BICDL2: variants seen among roughly 807,000 people sequenced by gnomAD.
The protein encoded by BICDL2 is BICD family like cargo adaptor 2.
Under a neutral mutation model 56.6 loss-of-function variants are expected in BICDL2, and 62 were observed. That is an observed-to-expected ratio of 1.10 (90% CI 0.89 to 1.35). The LOEUF is 1.35. Ranked by LOEUF, BICDL2 falls within the 40% of genes most tolerant of loss-of-function variation. BICDL2 has a pLI of 0.00. For missense variants in BICDL2, 808 were observed against 684.5 expected (o/e 1.18, Z -2.01); for synonymous variants, 358 against 319.8 (o/e 1.12, Z -1.27).
intron 2 of BICDL2, 38 bp downstream of exon 2, chr16:3,035,177 G>GTCCCCCCCCCCCCC: frequency 8.4e-6 from 1 of 118,826 alleles, no homozygotes; most frequent in Non-Finnish European, 1.6e-5. Context: ...GTCCTCCCCT[G>GTCCCCCCCCCCCCC]CCCACCCACC....
rs1018008282 is a variant in BICDL2 at position 3,029,695 on chromosome 16, C to T, written c.807G>A (p.Leu269=). The change falls in exon 6 of 10, where the codon CTG becomes CTA. Residue 269 remains leucine, a synonymous_variant. Transcript: ENST00000572449. The part of the protein sequence containing the change: ...RSEAGEALSA[L]RRLQRRVSEL... ...CGGAGACGCGCCGCTGCAGCCTCCG[C>T]AGCGCACTCAGCGCCTCCCCAGCCT... The T allele has an allele frequency of 1.4e-5, 21 of 1,540,392 alleles. No homozygotes were observed. Among genetic ancestry groups the T allele is most frequent in the Non-Finnish European group, 1.6e-5 (18 of 1,149,962 alleles).
At position 3,029,755 on chromosome 16, in the gene BICDL2, C is replaced by A; in HGVS notation, c.763-16G>T. On this transcript the variant is annotated splice_polypyrimidine_tract_variant and intron_variant, in intron 5 of 9. Coordinates refer to ENST00000572449, the MANE Select transcript of BICDL2 (RefSeq NM_001369667.1). ...CGCGTTCCAGCTGTGGACGGTCCCG[C>A]AGACGGAAGCGCGGGCGGTCAGCGG... The A allele has an allele frequency of 6.8e-7, 1 of 1,460,008 alleles. No homozygotes were observed. The highest frequency in any genetic ancestry group is 9.0e-7 in the Non-Finnish European group (1 of 1,113,898). 90.4% of individuals were successfully genotyped at this position (1,460,008 alleles called of 1,614,324 possible).
Position 3,028,062 on chromosome 16 carries a change from A to C in BICDL2, c.*44T>G. The stretch of plus-strand genomic sequence containing the variant: ...GTCGCTCCATTGGCCTGAAGAGGAA[A>C]GTGAGCCCCTAAGTGGGCAAGGGCA... On this transcript the variant is annotated 3_prime_UTR_variant, in exon 10 of 10. Transcript: ENST00000572449. 1 of 1,395,170 alleles carries C rather than the reference A, an allele frequency of 7.2e-7. No individual in the cohort carries two copies. Among genetic ancestry groups the C allele is most frequent in the African/African-American group, 1.5e-5 (1 of 65,498 alleles). 86.4% of individuals were successfully genotyped at this position (1,395,170 alleles called of 1,614,324 possible). A position where few individuals can be genotyped will look rare whatever the true frequency, so the allele number is the denominator to read the frequency against.
At chr16:3,031,231 A>T in intron 2 of BICDL2, 81 bp from the exon 3 acceptor site, 1 of 1,252,848 alleles carries the variant, frequency 8.0e-7, no homozygotes, top group Non-Finnish European at 1.1e-6. Flanking sequence ...CGATGGAGGG[A>T]CAGACACCTA....
In BICDL2 at chr16:3,030,232, T is replaced by A. The variant is rs893862018; in HGVS notation, c.762+217A>T. The A allele has an allele frequency of 2.0e-5, 12 of 604,586 alleles. No individual in the cohort carries two copies. In the Admixed American group the frequency reaches 2.0e-4, roughly 10 times the overall value. The allele number at this position is 604,586 out of a possible 1,614,324, so 37.5% of individuals were successfully genotyped here. A position where few individuals can be genotyped will look rare whatever the true frequency, so the allele number is the denominator to read the frequency against. The stretch of plus-strand genomic sequence containing the variant: ...TGAGCTCTGGCACCAGCCCCCTCCC[T>A]GCTCTTCCAGCTGCCAGGCTCTGAT... On this transcript the variant is annotated intron_variant, in intron 5 of 9. Coordinates refer to ENST00000572449, the MANE Select transcript of BICDL2 (RefSeq NM_001369667.1).
In BICDL2 at chr16:3,029,656, C is replaced by G. The variant is rs1224858691; in HGVS notation, c.846G>C (p.Glu282Asp). ...LQRRVSELEE[E>D]SRLQDADVSA... ...ACACGTCGGCGTCCTGGAGGCGTGA[C>G]TCCTCCTCCAGCTCGGAGACGCGCC... Residue 282 changes from glutamate to aspartate, a missense_variant, in exon 6 of 10, where the codon GAG becomes GAC. Glu to Asp is a conservative substitution (Grantham distance 45). Transcript: ENST00000572449. The G allele has an allele frequency of 4.6e-6, 7 of 1,537,156 alleles. No individual in the cohort carries two copies. The highest frequency in any genetic ancestry group is 6.1e-6 in the Non-Finnish European group (7 of 1,146,642).
Position 3,027,801 on chromosome 16 carries a change from A to T in BICDL2, c.*305T>A. Reference sequence around the variant, plus strand: ...GGGCCAAATCGGTGGAGTGATTTATATATTACTCTGTCCGATCTTGATACA... The same window carrying T: ...GGGCCAAATCGGTGGAGTGATTTATTTATTACTCTGTCCGATCTTGATACA... On this transcript the variant is annotated 3_prime_UTR_variant, in exon 10 of 10. Coordinates refer to ENST00000572449, the MANE Select transcript of BICDL2 (RefSeq NM_001369667.1). 2 of 944,664 alleles carry T rather than the reference A, an allele frequency of 2.1e-6. No individual in the cohort carries two copies. The highest frequency in any genetic ancestry group is 3.1e-6 in the Non-Finnish European group (2 of 652,868). 58.5% of individuals were successfully genotyped at this position (944,664 alleles called of 1,614,324 possible).
rs1473869222 is a variant in BICDL2, at chr16:3,031,591, C to T, written c.283-441G>A. ...CTCCTAGCCAGTTCCCTCTAATTAA[C>T]CCTGGTCAGCCCCGCCCTGGCCCAA... On this transcript the variant is annotated intron_variant, in intron 2 of 9. Transcript: ENST00000572449. 9.7e-6 allele frequency: 4 copies of T among 411,854 alleles called. No individual in the cohort carries two copies. In the Admixed American group the frequency reaches 1.6e-4, roughly 17 times the overall value. The allele number at this position is 411,854 out of a possible 1,614,324, so 25.5% of individuals were successfully genotyped here.
In BICDL2 at chr16:3,029,753, C is replaced by T. The variant is rs1241735928; in HGVS notation, c.763-14G>A. On this transcript the variant is annotated splice_polypyrimidine_tract_variant and intron_variant, in intron 5 of 9. Coordinates refer to ENST00000572449, the MANE Select transcript of BICDL2 (RefSeq NM_001369667.1). Reference sequence around the variant, plus strand: ...TGCGCGTTCCAGCTGTGGACGGTCCCGCAGACGGAAGCGCGGGCGGTCAGC... The same window carrying T: ...TGCGCGTTCCAGCTGTGGACGGTCCTGCAGACGGAAGCGCGGGCGGTCAGC... 1 of 1,461,840 alleles carries T rather than the reference C, an allele frequency of 6.8e-7. No homozygotes were observed. 90.6% of individuals were successfully genotyped at this position (1,461,840 alleles called of 1,614,324 possible). A position where few individuals can be genotyped will look rare whatever the true frequency, so the allele number is the denominator to read the frequency against.
intron 4 of BICDL2, 30 bp downstream of exon 4, chr16:3,030,666 G>C (rs1955639647): frequency 1.9e-6 from 3 of 1,599,150 alleles, no homozygotes; most frequent in Middle Eastern, 1.6e-4. Context: ...TTTTGGCTCA[G>C]ATAATCCCCC....
At chr16:3,028,935 C>A in intron 7 of BICDL2, 105 bp from the exon 8 acceptor site, 44 of 1,387,376 alleles carry the variant, frequency 3.2e-5, no homozygotes, top group Non-Finnish European at 4.2e-5. Context: ...CTGCCTGCGA[C>A]AGACACCCCA....
intron 5 of BICDL2, chr16:3,029,957 A>G (rs1484748452): frequency 5.6e-6 from 3 of 535,960 alleles, no homozygotes; most frequent in Non-Finnish European, 9.7e-6. Flanking sequence ...CACCTCGAAG[A>G]GCCCCATCTC....
At chr16:3,036,666 C>T (rs1198235956) in intron 1 of BICDL2, 1 of 450,754 alleles carries the variant, frequency 2.2e-6, no homozygotes, top group East Asian at 7.1e-5. Context: ...CCTCCCCTTC[C>T]GCACCTAGCT....
chr16:3,029,827 C>G (rs933843411), intron 5 of BICDL2, 88 bp from the exon 6 acceptor site: 1 of 1,181,298 alleles, frequency 8.5e-7, no homozygotes, highest in Non-Finnish European at 1.1e-6. Flanking sequence ...ACGGGGGTGC[C>G]GCGGAGAGCC....
intron 1 of BICDL2, chr16:3,036,430 C>T (rs1220129032): frequency 4.4e-6 from 2 of 456,124 alleles, no homozygotes; most frequent in Non-Finnish European, 8.8e-6. Context: ...CTTTACCAGC[C>T]CCAGCCCTCC....
In BICDL2 at chr16:3,029,579, T is replaced by G; in HGVS notation, c.923A>C (p.Gln308Pro). ...TCCGGGTGCGTCGGCGCCCTGGCCCTGGTCGCCGTCGTCGAGGCTGTGGGC... is the reference window on the plus strand; with the variant it reads ...TCCGGGTGCGTCGGCGCCCTGGCCCGGGTCGCCGTCGTCGAGGCTGTGGGC... ...ELAHSLDDGD[Q>P]GQGADAPGDT... Residue 308 changes from glutamine (Q) to proline (P), a missense_variant, in exon 6 of 10, where the codon CAG becomes CCG. Physicochemically the swap from Gln to Pro is moderately conservative, Grantham distance 76 (BLOSUM62 -1). Coordinates refer to ENST00000572449, the MANE Select transcript of BICDL2 (RefSeq NM_001369667.1). 3.9e-6 allele frequency: 6 copies of G among 1,545,342 alleles called. No homozygotes were observed. Among genetic ancestry groups the G allele is most frequent in the Non-Finnish European group, 5.2e-6 (6 of 1,149,514 alleles).
rs778286183 is a variant in BICDL2, at chr16:3,035,322, T to C, written c.175A>G (p.Lys59Glu). The change falls in exon 2 of 10, where the codon AAA becomes GAA. Residue 59 changes from lysine to glutamate, a missense_variant. Coordinates refer to ENST00000572449, the MANE Select transcript of BICDL2 (RefSeq NM_001369667.1). ...DLALQLQQKE[K>E]DLLLAAELGK... ...AGCTCCGCGGCCAACAGCAGGTCTT[T>C]CTCCTTCTGCTGCAGCTGCAAGGCT... is the stretch of plus-strand genomic sequence containing the variant. 1.3e-6 allele frequency: 2 copies of C among 1,584,162 alleles called. No individual in the cohort carries two copies. Among genetic ancestry groups the C allele is most frequent in the South Asian group, 1.1e-5 (1 of 87,192 alleles).
In BICDL2 at chr16:3,028,448, T is replaced by G. The variant is rs770590442; in HGVS notation, c.1259A>C (p.Gln420Pro). 1 of 1,568,342 alleles carries G rather than the reference T, an allele frequency of 6.4e-7. No homozygotes were observed. The highest frequency in any genetic ancestry group is 1.3e-5 in the African/African-American group (1 of 74,092). The change falls in exon 9 of 10, where the codon CAG becomes CCG. Residue 420 changes from glutamine (Q) to proline (P), a missense_variant. Physicochemically the swap from Gln to Pro is moderately conservative, Grantham distance 76 (BLOSUM62 -1). Transcript: ENST00000572449. ...TCGCTCCAGCGAGACGCGGTTGAGC[T>G]GCAGGGACAGCTCCAGGGCCCTAGG... ...AVNKALELSLQLNRVSLERDS... is the reference protein window; with the variant it reads ...AVNKALELSLPLNRVSLERDS...
chr16:3,030,303 C>T (rs1955633253), intron 5 of BICDL2, 146 bp downstream of exon 5: 1 of 1,009,668 alleles, frequency 9.9e-7, no homozygotes, highest in Non-Finnish European at 1.4e-6. Context: ...TTCCGTGGCT[C>T]CCATTTGCCC....
Sources: gnomAD v4.1 joint callset for allele counts on GRCh38, gnomAD v4.1.1 for gene constraint, MANE v1.5 for transcripts, NCBI Gene and HGNC (gene_info 2026-07-23, HGNC 2026-07-21) for gene names.